Variants in UNC5D observed in about 807,000 individuals in gnomAD.
The protein encoded by UNC5D is unc-5 netrin receptor D.
Under a neutral mutation model 105.4 loss-of-function variants are expected in UNC5D, and 39 were observed. That is an observed-to-expected ratio of 0.37 (90% CI 0.29 to 0.48). The LOEUF (loss-of-function observed/expected upper bound fraction) is 0.48. Among genes scored for constraint, UNC5D ranks in the 20% least tolerant of loss-of-function variants. The pLI, the probability that UNC5D is intolerant of heterozygous loss-of-function variation, is 0.98. For missense variants in UNC5D, 991 were observed against 1,202.4 expected (o/e 0.82, Z 2.60); for synonymous variants, 452 against 450.4 (o/e 1.00, Z -0.04).
rs117360840 is a variant in UNC5D at position 35,375,492 on chromosome 8, A to G, written c.103+139605A>G. Among the ~76,000 whole-genome samples, 61 of 152,306 alleles carry G rather than the reference A, an allele frequency of 4.0e-4. No homozygotes were observed. In the East Asian group the frequency reaches 0.01, roughly 26 times the overall value. On this transcript the variant is annotated intron_variant, in intron 1 of 16. Transcript: ENST00000404895. ...TAATAAAAAAGACAACATGCACACA[A>G]AAAAGGAACGTGAGTTACAGTTCAG...
intron 16 of UNC5D, among the ~76,000 whole-genome samples, chr8:35,780,068 C>A (rs1034087960): frequency 6.6e-6 from 1 of 152,120 alleles, no homozygotes; most frequent in African/African-American, 2.4e-5. Context: ...GGGAGGCCGC[C>A]ACAATGGAAG....
chr8:35,732,541 T>A (rs1237477493), intron 11 of UNC5D, among the ~76,000 whole-genome samples: 10 of 152,196 alleles, frequency 6.6e-5, no homozygotes, highest in Non-Finnish European at 1.5e-4. Context: ...GTTCCCTGGA[T>A]GGAAGTCACC....
intron 1 of UNC5D, among the ~76,000 whole-genome samples, chr8:35,317,751 G>GTATATAATTAACATTATATAAT (rs1459380106): frequency 2.0e-5 from 3 of 151,288 alleles, no homozygotes; most frequent in Non-Finnish European, 4.4e-5. Flanking sequence ...AATTATATGT[G>GTATATAATTAACATTATATAAT]TATATAATTA....
intron 1 of UNC5D, among the ~76,000 whole-genome samples, chr8:35,449,550 A>G (rs1000148490): frequency 6.6e-6 from 1 of 152,180 alleles, no homozygotes; most frequent in Non-Finnish European, 1.5e-5. Context: ...ACAATAAGCC[A>G]AAACAATAAG....
chr8:35,670,385 T>G (rs1824702378), intron 4 of UNC5D, among the ~76,000 whole-genome samples: 1 of 152,120 alleles, frequency 6.6e-6, no homozygotes, highest in South Asian at 2.1e-4. Flanking sequence ...TAATTTTGAT[T>G]CTACTTTGAA....
At chr8:35,719,178 ACACACACAC>A (rs1179442312) in intron 8 of UNC5D, among the ~76,000 whole-genome samples, 1 of 147,880 alleles carries the variant, frequency 6.8e-6, no homozygotes, top group Non-Finnish European at 1.5e-5. Context: ...ACACACACAC[ACACACACAC>A]GACTTTCTCC....
At chr8:35,481,952 G>A (rs1010672061) in intron 1 of UNC5D, among the ~76,000 whole-genome samples, 5 of 152,098 alleles carry the variant, frequency 3.3e-5, no homozygotes, top group Admixed American at 2.6e-4. Context: ...TATGTATGGC[G>A]GTGGGTATAT....
intron 1 of UNC5D, among the ~76,000 whole-genome samples, chr8:35,307,808 G>A (rs1001101062): frequency 6.6e-6 from 1 of 152,092 alleles, no homozygotes; most frequent in Admixed American, 6.6e-5. Flanking sequence ...TGCCACGCAG[G>A]AACTTTACAG....
chr8:35,527,199 A>G (rs180874894), intron 1 of UNC5D, among the ~76,000 whole-genome samples: 85 of 151,178 alleles, frequency 5.6e-4, no homozygotes, highest in African/African-American at 1.8e-3. Context: ...TTCCAGATTG[A>G]TTTCCTTGTC....
intron 4 of UNC5D, among the ~76,000 whole-genome samples, chr8:35,659,259 A>G (rs1199598243): frequency 6.6e-6 from 1 of 152,202 alleles, no homozygotes; most frequent in Non-Finnish European, 1.5e-5. Context: ...CCCAAACCAA[A>G]TGACAGCCCC....
chr8:35,435,757 T>G (rs114793708), intron 1 of UNC5D, among the ~76,000 whole-genome samples: 2,684 of 152,148 alleles, frequency 0.018, 99 homozygotes, highest in African/African-American at 0.061. Flanking sequence ...TCTCCTCTGG[T>G]TTATGGAATC....
At position 35,341,410 on chromosome 8, in the gene UNC5D, G is replaced by A. The variant is rs183214697; in HGVS notation, c.103+105523G>A. ...ATTTACGGTAGTGATCAGAAAAGCC[G>A]AAACCAGAATGAGCGTAAGAAGGAG... On this transcript the variant is annotated intron_variant, in intron 1 of 16. Coordinates refer to ENST00000404895, the MANE Select transcript of UNC5D (RefSeq NM_080872.4). 4.7e-4 allele frequency among the ~76,000 whole-genome samples: 71 copies of A among 151,206 alleles called. 1 individual carries two copies. Among genetic ancestry groups the A allele is most frequent in the Middle Eastern group, 6.9e-3 (2 of 290 alleles).
chr8:35,726,890 T>C (rs1476361311), intron 10 of UNC5D: 2 of 257,358 alleles, frequency 7.8e-6, no homozygotes, highest in Non-Finnish European at 1.5e-5. Flanking sequence ...CAGGGCCCCA[T>C]GTTTATACCT....
chr8:35,743,066 G>A (rs1158671822), intron 11 of UNC5D, among the ~76,000 whole-genome samples: 1 of 152,024 alleles, frequency 6.6e-6, no homozygotes, highest in Non-Finnish European at 1.5e-5. Context: ...TCACCCAAGC[G>A]GTGTATACTG....
chr8:35,332,605 A>C (rs1392892259), intron 1 of UNC5D, among the ~76,000 whole-genome samples: 1 of 152,216 alleles, frequency 6.6e-6, no homozygotes, highest in Non-Finnish European at 1.5e-5. Flanking sequence ...AACATAGGTA[A>C]TTGAGCAATT....
intron 1 of UNC5D, among the ~76,000 whole-genome samples, chr8:35,376,474 G>A (rs1802706441): frequency 6.6e-6 from 1 of 152,130 alleles, no homozygotes; most frequent in Non-Finnish European, 1.5e-5. Flanking sequence ...TGCCTAGCTT[G>A]GTTGGAAAGA....
At chr8:35,744,527 T>C (rs1203407236) in intron 11 of UNC5D, among the ~76,000 whole-genome samples, 1 of 152,206 alleles carries the variant, frequency 6.6e-6, no homozygotes, top group Non-Finnish European at 1.5e-5. Context: ...TCCCTTCTCA[T>C]TGATTCATTC....
chr8:35,786,479 C>A (rs976071005), intron 16 of UNC5D, among the ~76,000 whole-genome samples: 4 of 151,948 alleles, frequency 2.6e-5, no homozygotes, highest in Non-Finnish European at 5.9e-5. Context: ...ATTCTCCAGC[C>A]CTTCTCTTTC....
chr8:35,760,945 A>G (rs1257637225), intron 14 of UNC5D, among the ~76,000 whole-genome samples: 1 of 152,036 alleles, frequency 6.6e-6, no homozygotes, highest in Non-Finnish European at 1.5e-5. Flanking sequence ...GCATTTTTCT[A>G]TTGACTTTTC....
Sources: allele counts gnomAD v4.1 joint callset (sites outside exome capture counted in the v4.1 genomes callset), GRCh38; gene constraint gnomAD v4.1.1; transcripts MANE v1.5; gene names NCBI Gene and HGNC (gene_info 2026-07-23, HGNC 2026-07-21).